Variants in ANO4 observed in about 807,000 individuals in gnomAD.
The protein encoded by ANO4 is anoctamin 4, also known as anoctamin-4.
A neutral mutation model predicts 141.9 loss-of-function variants in ANO4; 69 were observed. That is an observed-to-expected ratio of 0.49 (90% CI 0.40 to 0.59). ANO4 has a LOEUF of 0.59. Among genes scored for constraint, ANO4 ranks in the 20% least tolerant of loss-of-function variants. ANO4 has a pLI of 0.00. For synonymous variants in ANO4, 350 were observed against 394.3 expected (o/e 0.89, Z 1.33); for missense variants, 894 against 1,162.2 (o/e 0.77, Z 3.36).
At chr12:100,959,841 A>G (rs2043334044) in intron 5 of ANO4, among the ~76,000 whole-genome samples, 1 of 151,922 alleles carries the variant, frequency 6.6e-6, no homozygotes, top group Admixed American at 6.6e-5. Context: ...CTGTATCTCC[A>G]TCTTCCTGTG....
In ANO4 at chr12:100,901,572, A is replaced by G. The variant is rs79238794; in HGVS notation, c.-140-74A>G. On this transcript the variant is annotated intron_variant, in intron 1 of 27. Coordinates refer to ENST00000392977, the MANE Select transcript of ANO4 (RefSeq NM_001286615.2). ...TGGTTGCTTCTGTTCTCTGGACTTCATATGAGAGCGTAACAGCCTTTTAGC... is the reference window on the plus strand; with the variant it reads ...TGGTTGCTTCTGTTCTCTGGACTTCGTATGAGAGCGTAACAGCCTTTTAGC... 2.7e-3 allele frequency: 1,637 copies of G among 610,530 alleles called. 24 individuals are homozygous for G. The African/African-American group carries it at 0.027, about 10-fold the overall frequency. 37.8% of individuals were successfully genotyped at this position (610,530 alleles called of 1,614,324 possible).
chr12:100,830,292 CTCT>C (rs2036568947), intron 1 of ANO4, among the ~76,000 whole-genome samples: 1 of 151,982 alleles, frequency 6.6e-6, no homozygotes, highest in Non-Finnish European at 1.5e-5. Flanking sequence ...AGCCATCTTT[CTCT>C]TCTTTCTTTT....
chr12:101,090,292 T>C (rs2049708230), intron 17 of ANO4, among the ~76,000 whole-genome samples: 5 of 152,194 alleles, frequency 3.3e-5, no homozygotes, highest in Non-Finnish European at 7.3e-5. Flanking sequence ...TAAAGACACA[T>C]GCACACATAT....
rs756200297 is a variant in ANO4, at chr12:101,116,736, G to A, written c.2508G>A (p.Glu836=). 8.7e-6 allele frequency: 14 copies of A among 1,613,996 alleles called. No homozygotes were observed. Among genetic ancestry groups the A allele is most frequent in the Middle Eastern group, 1.6e-4 (1 of 6,084 alleles). ...CTGTATTTCGAATTTCTGACTTTGA[G>A]AACCGATCTGAGCCTGAATCTGATG... ...SLSVFRISDF[E]NRSEPESDGS... Residue 836 remains glutamate (E), a synonymous_variant, in exon 25 of 28, where the codon GAG becomes GAA. Transcript: ENST00000392977.
chr12:101,078,069 G>T (rs963268680), intron 14 of ANO4, among the ~76,000 whole-genome samples: 32 of 152,138 alleles, frequency 2.1e-4, no homozygotes, highest in Admixed American at 2.1e-3. Flanking sequence ...TGTCTTCAGT[G>T]TCTGCATACT....
chr12:101,063,176 T>C (rs2048424579), intron 14 of ANO4, among the ~76,000 whole-genome samples: 1 of 152,208 alleles, frequency 6.6e-6, no homozygotes, highest in African/African-American at 2.4e-5. Flanking sequence ...GGTGAGACAG[T>C]GCCCTAGCCT....
intron 17 of ANO4, among the ~76,000 whole-genome samples, chr12:101,091,454 T>C (rs1395218210): frequency 3.3e-5 from 5 of 152,178 alleles, no homozygotes; most frequent in African/African-American, 1.2e-4. Flanking sequence ...ATAGTTGGAA[T>C]GGTTTCATCA....
At chr12:100,982,582 C>T (rs1370882018) in intron 7 of ANO4, among the ~76,000 whole-genome samples, 1 of 152,210 alleles carries the variant, frequency 6.6e-6, no homozygotes, top group East Asian at 1.9e-4. Flanking sequence ...TAGAAACTAT[C>T]ACTCAATCGA....
intron 3 of ANO4, among the ~76,000 whole-genome samples, chr12:100,753,516 G>T (rs2032475297): frequency 6.6e-6 from 1 of 152,084 alleles, no homozygotes; most frequent in Non-Finnish European, 1.5e-5. Context: ...TGCCTATAAA[G>T]GCCCTCTCTT....
intron 1 of ANO4, among the ~76,000 whole-genome samples, chr12:100,812,933 G>A (rs2035530579): frequency 6.6e-6 from 1 of 152,340 alleles, no homozygotes; most frequent in South Asian, 2.1e-4. Context: ...GTTTGACTCA[G>A]GGATATGAAA....
rs563579074 is a variant in ANO4, at chr12:101,037,002, T to C, written c.842-93T>C. ...CTAAGAGGGTTGATAGCCTAGATTGTTTCCTCCAAAAAGCACCACACTTAT... is the reference window on the plus strand; with the variant it reads ...CTAAGAGGGTTGATAGCCTAGATTGCTTCCTCCAAAAAGCACCACACTTAT... On this transcript the variant is annotated intron_variant, in intron 9 of 27. Transcript: ENST00000392977. 145 of 1,286,786 alleles carry C rather than the reference T, an allele frequency of 1.1e-4. 3 individuals are homozygous for C. The Middle Eastern group carries it at 2.8e-3, about 25-fold the overall frequency. The allele number at this position is 1,286,786 out of a possible 1,614,324, so 79.7% of individuals were successfully genotyped here.
chr12:101,116,816 C>A lies in ANO4; in HGVS notation c.2570+18C>A. 2 of 1,613,848 alleles carry A rather than the reference C, an allele frequency of 1.2e-6. No individual in the cohort carries two copies. The highest frequency in any genetic ancestry group is 1.7e-6 in the Non-Finnish European group (2 of 1,179,954). ...TACTGCAGGTGAGTGTGGCACCCAGCGTGGCTCTGCCTGAGCTGGGCTGGC... is the reference window on the plus strand; with the variant it reads ...TACTGCAGGTGAGTGTGGCACCCAGAGTGGCTCTGCCTGAGCTGGGCTGGC... On this transcript the variant is annotated intron_variant, in intron 25 of 27. Transcript: ENST00000392977.
At chr12:100,762,513 G>C (rs1161091281) in intron 3 of ANO4, among the ~76,000 whole-genome samples, 1 of 152,146 alleles carries the variant, frequency 6.6e-6, no homozygotes, top group Non-Finnish European at 1.5e-5. Context: ...CCCCTGGCAA[G>C]GGCAGGTGAC....
Position 101,079,204 on chromosome 12 carries a change from C to G in ANO4, c.1324C>G (p.Leu442Val). 6.2e-7 allele frequency: 1 copy of G among 1,613,756 alleles called. No individual in the cohort carries two copies. The highest frequency in any genetic ancestry group is 8.5e-7 in the Non-Finnish European group (1 of 1,179,838). Residue 442 changes from leucine (L) to valine (V), a missense_variant, in exon 15 of 28, where the codon CTG (leucine) becomes GTG (valine). Physicochemically the swap from Leu to Val is conservative, Grantham distance 32. Around this residue, in one of 2 missense-constraint regions of ANO4, gnomAD observed 637 missense variants for 909.2 expected, o/e 0.70. Transcript: ENST00000392977. ...TCTGCTTGTTCCAGCAACAGTTTTC[C>G]TGGAGTTTTGGAAAAGACGGCGAGC... Reference protein sequence around the residue: ...VFMAVWATVFLEFWKRRRAVI... With the variant: ...VFMAVWATVFVEFWKRRRAVI...
chr12:101,091,293 A>G (rs1482148088), intron 17 of ANO4, among the ~76,000 whole-genome samples: 1 of 152,130 alleles, frequency 6.6e-6, no homozygotes, highest in Non-Finnish European at 1.5e-5. Context: ...AGAACTCTAA[A>G]AGCAGCATCA....
At chr12:100,736,288 G>T (rs1204327685) in intron 2 of ANO4, among the ~76,000 whole-genome samples, 1 of 152,128 alleles carries the variant, frequency 6.6e-6, no homozygotes, top group Admixed American at 6.5e-5. Context: ...ACTTTGGGGA[G>T]CTTTCTTTTT....
At chr12:101,006,174 A>G (rs1047151513) in intron 8 of ANO4, among the ~76,000 whole-genome samples, 3 of 152,228 alleles carry the variant, frequency 2.0e-5, no homozygotes, top group African/African-American at 7.2e-5. Context: ...TACTTTACTT[A>G]TGCAACATGC....
intron 9 of ANO4, among the ~76,000 whole-genome samples, chr12:101,033,606 A>G (rs769801251): frequency 3.3e-5 from 5 of 152,190 alleles, no homozygotes; most frequent in Non-Finnish European, 4.4e-5. Flanking sequence ...CAAAAACGCC[A>G]AAAGCAATTG....
chr12:101,118,153 T>C (rs1317186255), intron 25 of ANO4, among the ~76,000 whole-genome samples: 2 of 152,188 alleles, frequency 1.3e-5, no homozygotes, highest in East Asian at 3.8e-4. Context: ...CATGAAATTA[T>C]TTAGCAAGCA....
Sources: gnomAD v4.1 joint callset for allele counts (sites outside exome capture counted in the v4.1 genomes callset) on GRCh38, gnomAD v4.1.1 for gene constraint, gnomAD v4.1.1 regional missense constraint, MANE v1.5 for transcripts, NCBI Gene and HGNC (gene_info 2026-07-23, HGNC 2026-07-21) for gene names.